Variants in RTL4 observed in about 807,000 individuals in gnomAD.
RTL4 encodes the protein retrotransposon Gag-like protein 4.
In RTL4, 4 loss-of-function variants were observed where a neutral mutation model predicts 5.3. The ratio of observed to expected loss-of-function variants is 0.75; its 90% CI spans 0.37 to 1.72. The LOEUF (loss-of-function observed/expected upper bound fraction) is 1.72. Ranked by LOEUF, RTL4 falls within the 40% of genes most tolerant of loss-of-function variation. The probability of loss-of-function intolerance (pLI) is 0.04; values close to 1 mark genes in which losing one functional copy is unlikely to be tolerated. For missense variants in RTL4, 260 were observed against 227.1 expected (o/e 1.14, Z -0.93); for synonymous variants, 98 against 87.3 (o/e 1.12, Z -0.68).
the RTL4 span, among the ~76,000 whole-genome samples, chrX:112,169,544 G>A: frequency 8.1e-5 from 9 of 111,476 alleles, no homozygotes; most frequent in Non-Finnish European, 1.1e-4. Context: ...AAAAAAGAGC[G>A]AGACTTGTGG....
chrX:112,105,838 ACTT>A, the RTL4 span, among the ~76,000 whole-genome samples: 1 of 111,129 alleles, frequency 9.0e-6, no homozygotes, highest in Non-Finnish European at 1.9e-5. Context: ...AAACAGTTGA[ACTT>A]CTTCCTTTCC....
the RTL4 span, among the ~76,000 whole-genome samples, chrX:112,353,647 C>G: frequency 9.1e-6 from 1 of 109,791 alleles, no homozygotes; most frequent in African/African-American, 3.3e-5. Flanking sequence ...AACACATGGA[C>G]ACAGGAAGGG....
At chrX:112,389,335 A>C in the RTL4 span, among the ~76,000 whole-genome samples, 4 of 107,608 alleles carry the variant, frequency 3.7e-5, no homozygotes, top group Non-Finnish European at 7.8e-5. Flanking sequence ...ATTTTCTCAA[A>C]AAAAAAAAAA....
At chrX:112,105,917 T>C in the RTL4 span, among the ~76,000 whole-genome samples, 1 of 111,645 alleles carries the variant, frequency 9.0e-6, no homozygotes, top group Non-Finnish European at 1.9e-5. Flanking sequence ...CAGTTTTATG[T>C]TGAATGGAAG....
chrX:112,355,131 A>G, the RTL4 span, among the ~76,000 whole-genome samples: 192 of 111,385 alleles, frequency 1.7e-3, no homozygotes, highest in African/African-American at 6.0e-3. Flanking sequence ...AATAAAGTTG[A>G]GTTCTATTTA....
At chrX:112,207,166 T>C in the RTL4 span, among the ~76,000 whole-genome samples, 2 of 111,791 alleles carry the variant, frequency 1.8e-5, no homozygotes, top group Non-Finnish European at 3.8e-5. Flanking sequence ...ACTAATCCTT[T>C]ACAAATATTA....
the RTL4 span, among the ~76,000 whole-genome samples, chrX:112,231,467 C>T: frequency 2.8e-4 from 30 of 106,295 alleles, no homozygotes; most frequent in African/African-American, 1.0e-3. Flanking sequence ...CAAACTAACA[C>T]AAGGACAAAA....
chrX:112,110,402 C>G, the RTL4 span, among the ~76,000 whole-genome samples: 1 of 111,449 alleles, frequency 9.0e-6, no homozygotes. Flanking sequence ...AGTAGATAAA[C>G]TGGCTATTCT....
the RTL4 span, among the ~76,000 whole-genome samples, chrX:112,229,075 C>T: frequency 8.9e-6 from 1 of 111,890 alleles, no homozygotes; most frequent in Non-Finnish European, 1.9e-5. Flanking sequence ...GACTCAAGAT[C>T]ATTAATCCTC....
chrX:112,123,060 G>A, the RTL4 span, among the ~76,000 whole-genome samples: 1 of 111,416 alleles, frequency 9.0e-6, no homozygotes, highest in Non-Finnish European at 1.9e-5. Flanking sequence ...ACTTACAGCA[G>A]TTCAAGTTGC....
the RTL4 span, among the ~76,000 whole-genome samples, chrX:112,328,051 C>G: frequency 9.2e-6 from 1 of 108,617 alleles, no homozygotes; most frequent in Non-Finnish European, 1.9e-5. Flanking sequence ...GCTGCAAAAT[C>G]ATGCCAAAAT....
chrX:112,327,109 C>A, the RTL4 span, among the ~76,000 whole-genome samples: 1 of 112,359 alleles, frequency 8.9e-6, no homozygotes, highest in Non-Finnish European at 1.9e-5. Flanking sequence ...CTCTCCTCCT[C>A]CAAAGGAACG....
chrX:112,182,526 C>T, the RTL4 span, among the ~76,000 whole-genome samples: 12 of 111,661 alleles, frequency 1.1e-4, no homozygotes, highest in African/African-American at 2.9e-4. Flanking sequence ...AGCATGAGAA[C>T]TTCATGAACC....
the RTL4 span, among the ~76,000 whole-genome samples, chrX:112,267,400 C>A: frequency 6.3e-5 from 7 of 111,723 alleles, no homozygotes; most frequent in African/African-American, 2.3e-4. Context: ...ACTTGACTTC[C>A]AAGAGTCCTC....
the RTL4 span, among the ~76,000 whole-genome samples, chrX:112,336,939 ATGGAT>A: frequency 5.9e-3 from 667 of 112,437 alleles, 6 homozygotes; most frequent in African/African-American, 0.021. Context: ...CATTTTATTT[ATGGAT>A]TGTAACACTT....
At chrX:112,275,615 G>T in the RTL4 span, among the ~76,000 whole-genome samples, 1 of 111,494 alleles carries the variant, frequency 9.0e-6, no homozygotes, top group East Asian at 2.8e-4. Flanking sequence ...TTGTTGGAAG[G>T]AAAAATGAAA....
chrX:112,219,972 C>T, the RTL4 span, among the ~76,000 whole-genome samples: 1 of 111,696 alleles, frequency 9.0e-6, no homozygotes, highest in Non-Finnish European at 1.9e-5. Context: ...ACCTTCTCCT[C>T]CTCTGGGTGT....
the RTL4 span, among the ~76,000 whole-genome samples, chrX:112,206,201 A>G: frequency 1.8e-5 from 2 of 111,575 alleles, no homozygotes; most frequent in African/African-American, 6.5e-5. Context: ...ATATTAAACA[A>G]TTGGGAAAAA....
At chrX:112,188,217 A>G in the RTL4 span, among the ~76,000 whole-genome samples, 5,766 of 111,446 alleles carry the variant, frequency 0.052, 388 homozygotes, top group African/African-American at 0.18. Context: ...TGAGCCTAGG[A>G]CTGAATGACT....
Sources: gnomAD v4.1 joint callset for allele counts (sites outside exome capture counted in the v4.1 genomes callset) on GRCh38, gnomAD v4.1.1 for gene constraint, MANE v1.5 for transcripts, NCBI Gene and HGNC (gene_info 2026-07-23, HGNC 2026-07-21) for gene names.